Variants in PHF21A observed in about 807,000 individuals in gnomAD.
The protein encoded by PHF21A is PHD finger protein 21A.
Under a neutral mutation model 82.5 loss-of-function variants are expected in PHF21A, and 11 were observed. That is an observed-to-expected ratio of 0.13 (90% CI 0.08 to 0.22). The LOEUF is 0.22. Ranked by LOEUF, PHF21A falls within the 10% of genes least tolerant of loss-of-function variation. PHF21A has a pLI of 1.00. For missense variants in PHF21A, 579 were observed against 837.8 expected, an observed-to-expected ratio of 0.69 and a Z score of 3.81; for synonymous variants, 297 against 302.8, an observed-to-expected ratio of 0.98 and a Z score of 0.20.
intron 3 of PHF21A, among the ~76,000 whole-genome samples, chr11:46,085,459 T>A (rs1479304099): frequency 6.6e-6 from 1 of 152,246 alleles, no homozygotes; most frequent in Non-Finnish European, 1.5e-5. Flanking sequence ...ATTTATCCTT[T>A]ATTGTTGTTT....
At chr11:46,061,184 T>C (rs542661159) in intron 6 of PHF21A, among the ~76,000 whole-genome samples, 7 of 152,334 alleles carry the variant, frequency 4.6e-5, no homozygotes, top group African/African-American at 1.4e-4. Context: ...TTTGTACCAG[T>C]ACCATGCTGT....
chr11:46,113,846 T>G (rs2097254693), intron 1 of PHF21A, among the ~76,000 whole-genome samples: 2 of 151,756 alleles, frequency 1.3e-5, no homozygotes, highest in Admixed American at 1.3e-4. Context: ...AAAAAAAAGT[T>G]TAATTGTTTT....
intron 6 of PHF21A, among the ~76,000 whole-genome samples, chr11:46,029,907 A>C (rs1022680996): frequency 1.3e-5 from 2 of 152,252 alleles, no homozygotes; most frequent in Non-Finnish European, 2.9e-5. Flanking sequence ...ATTGGTAGGT[A>C]AAATACTTTA....
chr11:46,029,443 AC>A (rs780374392), intron 6 of PHF21A, among the ~76,000 whole-genome samples: 14 of 152,186 alleles, frequency 9.2e-5, no homozygotes, highest in Non-Finnish European at 1.3e-4. Context: ...ATCCTAATAC[AC>A]GGGGAGGCCA....
At chr11:46,062,339 C>T (rs1438239447) in intron 6 of PHF21A, among the ~76,000 whole-genome samples, 1 of 152,112 alleles carries the variant, frequency 6.6e-6, no homozygotes, top group Non-Finnish European at 1.5e-5. Context: ...ATTAGCCAGG[C>T]ATGAGACTTT....
At chr11:45,957,751 C>CAAAAAAAAAAAAAAAAAGA (rs2092750679) in intron 10 of PHF21A, among the ~76,000 whole-genome samples, 12 of 60,918 alleles carry the variant, frequency 2.0e-4, no homozygotes, top group African/African-American at 2.4e-4. Context: ...AAATTCAAAG[C>CAAAAAAAAAAAAAAAAAGA]AAAAAAAAAA....
Position 45,979,890 on chromosome 11 carries a change from A to C in PHF21A, c.230T>G (p.Leu77Trp). The change falls in exon 7 of 19, where the codon TTG (leucine) becomes TGG (tryptophan). Residue 77 changes from leucine (L) to tryptophan (W), a missense_variant. Coordinates refer to ENST00000676320, the MANE Select transcript of PHF21A (RefSeq NM_001352027.3). ...EQPDKFQIQP[L>W]PQSENKLQTA... The stretch of plus-strand genomic sequence containing the variant: ...TTGTAGTTTGTTTTCAGATTGTGGC[A>C]ATGGCTGTATTTGGAACTTGTCCGG... 6.2e-7 allele frequency: 1 copy of C among 1,614,150 alleles called. No homozygotes were observed. Among genetic ancestry groups the C allele is most frequent in the Non-Finnish European group, 8.5e-7 (1 of 1,180,012 alleles).
At chr11:45,991,877 G>T (rs1470099267) in intron 6 of PHF21A, among the ~76,000 whole-genome samples, 1 of 152,156 alleles carries the variant, frequency 6.6e-6, no homozygotes, top group African/African-American at 2.4e-5. Flanking sequence ...CACACCCAAA[G>T]AAGCTAAATC....
intron 6 of PHF21A, among the ~76,000 whole-genome samples, chr11:46,015,877 C>T (rs2095506367): frequency 6.7e-6 from 1 of 149,158 alleles, no homozygotes; most frequent in Admixed American, 6.8e-5. Flanking sequence ...CTGCCCGAGG[C>T]TATTGCTGTT....
At chr11:46,028,432 GAAT>G (rs550490276) in intron 6 of PHF21A, among the ~76,000 whole-genome samples, 39 of 151,888 alleles carry the variant, frequency 2.6e-4, no homozygotes, top group Non-Finnish European at 4.9e-4. Context: ...TTCATAATTA[GAAT>G]AATAATTATA....
rs534445593 is a variant in PHF21A at position 46,065,679 on chromosome 11, C to CA, written c.153+11074dup. On this transcript the variant is annotated intron_variant, in intron 6 of 18. Coordinates refer to ENST00000676320, the MANE Select transcript of PHF21A (RefSeq NM_001352027.3). Reference sequence around the variant, plus strand: ...CCAGCTCAGAGAAATTCAATGGACACAAAGCCTGTCAGTGACTAGCACAGC... The same window carrying CA: ...CCAGCTCAGAGAAATTCAATGGACACAAAAGCCTGTCAGTGACTAGCACAGC... Among the ~76,000 whole-genome samples the CA allele has an allele frequency of 3.2e-3, 487 of 152,304 alleles. 1 individual carries two copies. Among genetic ancestry groups the CA allele is most frequent in the Middle Eastern group, 6.8e-3 (2 of 294 alleles).
chr11:46,022,265 C>T (rs1427999227), intron 6 of PHF21A, among the ~76,000 whole-genome samples: 2 of 152,070 alleles, frequency 1.3e-5, no homozygotes, highest in South Asian at 4.2e-4. Flanking sequence ...CCAGTGTGGG[C>T]AACATAGCAA....
At chr11:45,992,817 G>C (rs562178409) in intron 6 of PHF21A, among the ~76,000 whole-genome samples, 1 of 152,288 alleles carries the variant, frequency 6.6e-6, no homozygotes, top group East Asian at 1.9e-4. Context: ...TTTCATAATG[G>C]TGCCTACTTT....
intron 8 of PHF21A, 185 bp from the exon 9 acceptor site, chr11:45,970,089 C>T (rs2093662950): frequency 3.6e-6 from 2 of 560,476 alleles, no homozygotes; most frequent in Admixed American, 3.1e-5. Flanking sequence ...GTGCTTTACC[C>T]TATAAAATGA....
chr11:45,965,200 T>C, intron 10 of PHF21A, 115 bp downstream of exon 10: 1 of 821,146 alleles, frequency 1.2e-6, no homozygotes, highest in South Asian at 1.8e-5. Context: ...GACAGCTTAC[T>C]GACAATGGTG....
At chr11:46,039,139 GA>G (rs2096073136) in intron 6 of PHF21A, among the ~76,000 whole-genome samples, 1 of 152,112 alleles carries the variant, frequency 6.6e-6, no homozygotes, top group South Asian at 2.1e-4. Context: ...TGAAGGTAAT[GA>G]AAATAGCCTA....
intron 6 of PHF21A, among the ~76,000 whole-genome samples, chr11:46,015,415 C>T (rs1191850422): frequency 6.6e-6 from 1 of 152,010 alleles, no homozygotes; most frequent in Non-Finnish European, 1.5e-5. Flanking sequence ...AATTCTTTGC[C>T]TAGGCCAATT....
At chr11:45,937,157 AC>A (rs1182464319) in intron 16 of PHF21A, among the ~76,000 whole-genome samples, 2 of 152,208 alleles carry the variant, frequency 1.3e-5, no homozygotes, top group Non-Finnish European at 2.9e-5. Flanking sequence ...ACAAGGGAAA[AC>A]CAGAATTTGT....
intron 6 of PHF21A, among the ~76,000 whole-genome samples, chr11:46,063,126 G>A (rs80171383): frequency 0.093 from 14,097 of 152,134 alleles, 884 homozygotes; most frequent in Non-Finnish European, 0.14. Flanking sequence ...GAGACGAAGA[G>A]AATAAAAAAT....
Sources: gnomAD v4.1 joint callset for allele counts (sites outside exome capture counted in the v4.1 genomes callset) on GRCh38, gnomAD v4.1.1 for gene constraint, MANE v1.5 for transcripts, NCBI Gene and HGNC (gene_info 2026-07-23, HGNC 2026-07-21) for gene names.